ADARB1: variants seen among roughly 807,000 people sequenced by gnomAD.
ADARB1 encodes the protein adenosine deaminase RNA specific B1.
A neutral mutation model predicts 52.4 loss-of-function variants in ADARB1; 10 were observed. The ratio of observed to expected loss-of-function variants is 0.19; its 90% CI spans 0.12 to 0.32. The LOEUF (loss-of-function observed/expected upper bound fraction) is 0.32. Among genes scored for constraint, ADARB1 ranks in the 10% least tolerant of loss-of-function variants. The probability of loss-of-function intolerance (pLI) is 1.00; values close to 1 mark genes in which losing one functional copy is unlikely to be tolerated. For missense variants in ADARB1, 643 were observed against 922.3 expected, an observed-to-expected ratio of 0.70 and a Z score of 3.92; for synonymous variants, 349 against 371.1, an observed-to-expected ratio of 0.94 and a Z score of 0.68.
chr21:45,199,113 T>A (rs2092493288), intron 8 of ADARB1, among the ~76,000 whole-genome samples: 1 of 152,158 alleles, frequency 6.6e-6, no homozygotes, highest in Non-Finnish European at 1.5e-5. Flanking sequence ...GTAAACTAGA[T>A]GGAGGCTTGT....
chr21:45,088,097 G>T (rs1406298158), intron 1 of ADARB1, among the ~76,000 whole-genome samples: 1 of 152,186 alleles, frequency 6.6e-6, no homozygotes, highest in Non-Finnish European at 1.5e-5. Flanking sequence ...TGACTCTGTG[G>T]TCTTTAATAG....
intron 1 of ADARB1, among the ~76,000 whole-genome samples, chr21:45,112,274 C>T (rs918318329): frequency 4.6e-5 from 7 of 152,182 alleles, no homozygotes; most frequent in African/African-American, 1.7e-4. Flanking sequence ...TAGAAATTGA[C>T]TCATCATTTT....
rs2838790 is a variant in ADARB1 at position 45,142,109 on chromosome 21, C to T, written c.-48+13536C>T. On this transcript the variant is annotated intron_variant, in intron 2 of 10. Transcript: ENST00000348831. The surrounding 1 kb of genome is among the most constrained non-coding windows in gnomAD (Gnocchi z 4.0). Reference sequence around the variant, plus strand: ...CCACTCTGGGTCACCTTGTCTACCCCTGGGTTACCTGAGCCACCCTTGGTC... The same window carrying T: ...CCACTCTGGGTCACCTTGTCTACCCTTGGGTTACCTGAGCCACCCTTGGTC... Among the ~76,000 whole-genome samples the T allele has an allele frequency of 0.32, 48,048 of 152,154 alleles. 8,093 individuals carry two copies. Among genetic ancestry groups the T allele is most frequent in the East Asian group, 0.39 (1,992 of 5,172 alleles).
At chr21:45,101,712 G>A (rs1414005077) in intron 1 of ADARB1, among the ~76,000 whole-genome samples, 3 of 152,170 alleles carry the variant, frequency 2.0e-5, no homozygotes, top group Non-Finnish European at 4.4e-5. Flanking sequence ...TTTCTGGATA[G>A]TGTATACTTA....
At chr21:45,117,655 T>C (rs1472154653) in intron 1 of ADARB1, among the ~76,000 whole-genome samples, 1 of 152,152 alleles carries the variant, frequency 6.6e-6, no homozygotes, top group African/African-American at 2.4e-5. Flanking sequence ...TACAAGAACA[T>C]ATTATTCTGT....
Position 45,123,881 on chromosome 21 carries a change from G to T in ADARB1, c.-219-4521G>T, listed in dbSNP as rs190282276. Among the ~76,000 whole-genome samples the T allele has an allele frequency of 3.3e-4, 51 of 152,326 alleles. 1 individual carries two copies. Among genetic ancestry groups the T allele is most frequent in the Non-Finnish European group, 1.8e-4 (12 of 68,026 alleles). ...CTCCCAGAGTGCTGGGCTTATAAGT[G>T]TGAGCCACTGTGTTTGGTAATATCC... On this transcript the variant is annotated intron_variant, in intron 1 of 10. Coordinates refer to ENST00000348831, the MANE Select transcript of ADARB1 (RefSeq NM_001112.4).
chr21:45,206,260 G>C (rs575346626), intron 9 of ADARB1, among the ~76,000 whole-genome samples: 1 of 152,318 alleles, frequency 6.6e-6, no homozygotes, highest in Non-Finnish European at 1.5e-5. Context: ...TGTGGAATAT[G>C]GGACACATAG....
intron 8 of ADARB1, among the ~76,000 whole-genome samples, chr21:45,202,846 G>A (rs987914867): frequency 9.4e-5 from 14 of 148,214 alleles, no homozygotes; most frequent in Non-Finnish European, 1.6e-4. Flanking sequence ...TGTGCTGAGC[G>A]TCTTCCCCTG....
intron 8 of ADARB1, among the ~76,000 whole-genome samples, chr21:45,194,584 G>A (rs536658441): frequency 2.7e-5 from 4 of 150,822 alleles, no homozygotes; most frequent in Admixed American, 6.6e-5. Context: ...TACTCTGCCT[G>A]TTCACCCCTC....
At chr21:45,092,623 CTATT>C (rs1340028412) in intron 1 of ADARB1, among the ~76,000 whole-genome samples, 1 of 152,036 alleles carries the variant, frequency 6.6e-6, no homozygotes, top group Non-Finnish European at 1.5e-5. Flanking sequence ...TGGATACATT[CTATT>C]TATTGGTATT....
chr21:45,131,360 G>T (rs1178777349), intron 2 of ADARB1, among the ~76,000 whole-genome samples: 1 of 152,194 alleles, frequency 6.6e-6, no homozygotes, highest in Non-Finnish European at 1.5e-5. Context: ...CCTGTCTCTA[G>T]GTAGTCTCTG....
intron 1 of ADARB1, among the ~76,000 whole-genome samples, 195 bp downstream of exon 1, chr21:45,074,988 C>T (rs1187622734): frequency 3.3e-5 from 5 of 151,390 alleles, no homozygotes; most frequent in Middle Eastern, 6.8e-3. Context: ...GGTCGCCCGT[C>T]TGCTCCGGCG....
At chr21:45,199,619 G>T (rs1242320526) in intron 8 of ADARB1, among the ~76,000 whole-genome samples, 1 of 152,218 alleles carries the variant, frequency 6.6e-6, no homozygotes, top group African/African-American at 2.4e-5. Context: ...GCAGAGCAGT[G>T]CCTGGCAGTT....
At chr21:45,093,229 G>T (rs1047900868) in intron 1 of ADARB1, among the ~76,000 whole-genome samples, 3 of 152,202 alleles carry the variant, frequency 2.0e-5, no homozygotes, top group Admixed American at 1.3e-4. Flanking sequence ...GCACTTTGCT[G>T]GGGTGCACTT....
intron 2 of ADARB1, among the ~76,000 whole-genome samples, chr21:45,154,842 C>T (rs1474405120): frequency 5.9e-5 from 9 of 152,188 alleles, no homozygotes; most frequent in Non-Finnish European, 1.0e-4. Flanking sequence ...GTCTGGGAGC[C>T]ACAGGGCAGG....
chr21:45,178,688 T>A (rs1019908603), intron 4 of ADARB1, among the ~76,000 whole-genome samples: 1 of 152,244 alleles, frequency 6.6e-6, no homozygotes, highest in Admixed American at 6.5e-5. Context: ...CAGTCATCCC[T>A]GCGTGTCACT....
At chr21:45,213,350 T>C (rs1470871147) in intron 9 of ADARB1, among the ~76,000 whole-genome samples, 1 of 152,060 alleles carries the variant, frequency 6.6e-6, no homozygotes, top group Non-Finnish European at 1.5e-5. Context: ...ATGAGAACAA[T>C]TTTTTTTATT....
chr21:45,189,342 C>A (rs888168343), intron 8 of ADARB1, among the ~76,000 whole-genome samples: 1 of 152,162 alleles, frequency 6.6e-6, no homozygotes, highest in African/African-American at 2.4e-5. Flanking sequence ...ACTTCAATTA[C>A]ATAGTAAAAC....
At chr21:45,189,021 A>G (rs1004259418) in intron 8 of ADARB1, among the ~76,000 whole-genome samples, 5 of 152,182 alleles carry the variant, frequency 3.3e-5, no homozygotes, top group Admixed American at 6.5e-5. Flanking sequence ...TAAAATCATC[A>G]CATCTCATGA....
Sources: allele counts gnomAD v4.1 joint callset (sites outside exome capture counted in the v4.1 genomes callset), GRCh38; gene constraint gnomAD v4.1.1; non-coding constraint Gnocchi (gnomAD v3.1); transcripts MANE v1.5; gene names NCBI Gene and HGNC (gene_info 2026-07-23, HGNC 2026-07-21).